The following PDZRN3 variants were observed in gnomAD, a reference collection of about 807,000 sequenced individuals.
PDZRN3 encodes the protein E3 ubiquitin-protein ligase PDZRN3.
PDZRN3 carries 38 observed loss-of-function variants against 85.7 expected under a neutral mutation model. The ratio of observed to expected loss-of-function variants is 0.44; its 90% CI spans 0.34 to 0.58. The LOEUF (loss-of-function observed/expected upper bound fraction) is 0.58. PDZRN3 is among the 20% of genes least tolerant of loss of function. The probability of loss-of-function intolerance (pLI) is 0.01; values close to 1 mark genes in which losing one functional copy is unlikely to be tolerated. For synonymous variants in PDZRN3, 759 were observed against 638.0 expected (o/e 1.19, Z -2.86); for missense variants, 1,629 against 1,506.4 (o/e 1.08, Z -1.35).
At chr3:73,498,804 C>T (rs1239696360) in intron 3 of PDZRN3, among the ~76,000 whole-genome samples, 2 of 152,094 alleles carry the variant, frequency 1.3e-5, no homozygotes, top group African/African-American at 2.4e-5. Context: ...GGCTGGTTCT[C>T]GAACTCCTGA....
chr3:73,552,918 A>G (rs1258788979), intron 3 of PDZRN3, among the ~76,000 whole-genome samples: 2 of 152,236 alleles, frequency 1.3e-5, no homozygotes, highest in East Asian at 3.8e-4. Context: ...CTTGAGACTC[A>G]CTAAGGATCA....
At chr3:73,593,709 TACACAC>T (rs57922621) in intron 3 of PDZRN3, among the ~76,000 whole-genome samples, 2,706 of 141,784 alleles carry the variant, frequency 0.019, 25 homozygotes, top group South Asian at 0.054. Flanking sequence ...GAAATAAATA[TACACAC>T]ACACACACAC....
intron 3 of PDZRN3, among the ~76,000 whole-genome samples, chr3:73,588,755 A>G (rs1702311964): frequency 6.6e-6 from 1 of 152,254 alleles, no homozygotes; most frequent in African/African-American, 2.4e-5. Context: ...TCTTTTTAAA[A>G]TAAAGTTAAA....
intron 3 of PDZRN3, among the ~76,000 whole-genome samples, chr3:73,461,545 A>G (rs534428094): frequency 7.2e-5 from 11 of 152,354 alleles, no homozygotes; most frequent in African/African-American, 2.6e-4. Context: ...TCATTCATCT[A>G]TTGAGAGACA....
chr3:73,605,188 C>G (rs1702579133), intron 2 of PDZRN3, among the ~76,000 whole-genome samples: 2 of 145,894 alleles, frequency 1.4e-5, no homozygotes, highest in Admixed American at 1.4e-4. Context: ...ACCTGGGTGA[C>G]AGAGTGAGAC....
At chr3:73,590,720 C>T (rs1457744758) in intron 3 of PDZRN3, among the ~76,000 whole-genome samples, 1 of 152,174 alleles carries the variant, frequency 6.6e-6, no homozygotes, top group Non-Finnish European at 1.5e-5. Context: ...ATTCCTGTAT[C>T]ACCAGCAATT....
chr3:73,461,723 A>G (rs1703107682), intron 3 of PDZRN3, among the ~76,000 whole-genome samples: 1 of 152,204 alleles, frequency 6.6e-6, no homozygotes, highest in African/African-American at 2.4e-5. Context: ...CATATCACAG[A>G]CATGTCATGT....
At chr3:73,478,057 T>C (rs1001547949) in intron 3 of PDZRN3, among the ~76,000 whole-genome samples, 1 of 152,064 alleles carries the variant, frequency 6.6e-6, no homozygotes, top group Non-Finnish European at 1.5e-5. Flanking sequence ...GAGATTTGGG[T>C]GGGGACACAG....
At chr3:73,566,949 T>C (rs9310273) in intron 3 of PDZRN3, among the ~76,000 whole-genome samples, 12,577 of 152,248 alleles carry the variant, frequency 0.083, 1,718 homozygotes, top group African/African-American at 0.29. Flanking sequence ...TCAGCTCCTC[T>C]ACTCACTAAC....
intron 3 of PDZRN3, among the ~76,000 whole-genome samples, chr3:73,599,367 T>C (rs1359880261): frequency 6.6e-6 from 1 of 152,190 alleles, no homozygotes; most frequent in East Asian, 1.9e-4. Context: ...ACTACATGAT[T>C]CCGTTTATAA....
At chr3:73,565,117 ATTTTTTTTTTTTTTTTT>A (rs202184460) in intron 3 of PDZRN3, among the ~76,000 whole-genome samples, 105,326 of 140,248 alleles carry the variant, frequency 0.75, 39,164 homozygotes, top group South Asian at 0.83. Context: ...ATATCCACCA[ATTTTTTTTTTTTTTTTT>A]TTTTTTTTTT....
At chr3:73,426,848 C>G (rs1702325842) in intron 3 of PDZRN3, among the ~76,000 whole-genome samples, 1 of 152,110 alleles carries the variant, frequency 6.6e-6, no homozygotes, top group African/African-American at 2.4e-5. Context: ...GTTGCTGGGC[C>G]AGGACCCTAC....
chr3:73,617,025 C>T (rs984801527), intron 1 of PDZRN3, among the ~76,000 whole-genome samples: 8 of 152,190 alleles, frequency 5.3e-5, no homozygotes, highest in African/African-American at 1.4e-4. Flanking sequence ...CCTTCACCCA[C>T]GATCTGATGG....
At chr3:73,624,075 G>C (rs1702917472) in intron 1 of PDZRN3, 28 bp downstream of exon 1, 1 of 1,415,548 alleles carries the variant, frequency 7.1e-7, no homozygotes, top group African/African-American at 1.5e-5. Flanking sequence ...ATCCTGGCTG[G>C]AGGTCGGGGC....
chr3:73,437,511 G>C (rs1470354143), intron 3 of PDZRN3, among the ~76,000 whole-genome samples: 1 of 152,188 alleles, frequency 6.6e-6, no homozygotes, highest in Non-Finnish European at 1.5e-5. Context: ...CTCACTTTGA[G>C]AACAGCTGCC....
intron 3 of PDZRN3, among the ~76,000 whole-genome samples, chr3:73,435,072 T>G (rs939856910): frequency 7.9e-5 from 12 of 152,218 alleles, no homozygotes; most frequent in Admixed American, 6.5e-4. Context: ...CGGGGAGGAC[T>G]CCCACGTCCC....
rs574865665 is a variant in PDZRN3, at chr3:73,429,873, T to C, written c.919-25478A>G. Among the ~76,000 whole-genome samples, 5 of 152,322 alleles carry C rather than the reference T, an allele frequency of 3.3e-5. No homozygotes were observed. The East Asian group carries it at 7.7e-4, about 24-fold the overall frequency. ...GCTCATTTTTCTCTGCACATCACCCTTTCCAGGTATGAAGGACCAGCAACC... is the reference window on the plus strand; with the variant it reads ...GCTCATTTTTCTCTGCACATCACCCCTTCCAGGTATGAAGGACCAGCAACC... On this transcript the variant is annotated intron_variant, in intron 3 of 9. Transcript: ENST00000263666.
At chr3:73,480,689 G>A (rs756109494) in intron 3 of PDZRN3, among the ~76,000 whole-genome samples, 9 of 152,152 alleles carry the variant, frequency 5.9e-5, no homozygotes, top group Non-Finnish European at 1.0e-4. Flanking sequence ...CATACTGTGT[G>A]TTCCTTAAAA....
chr3:73,578,469 C>T (rs555674122), intron 3 of PDZRN3, among the ~76,000 whole-genome samples: 9 of 152,228 alleles, frequency 5.9e-5, no homozygotes, highest in Non-Finnish European at 1.3e-4. Context: ...CGCGCCCAGC[C>T]GACCATTCTT....
Sources: allele counts gnomAD v4.1 joint callset (sites outside exome capture counted in the v4.1 genomes callset), GRCh38; gene constraint gnomAD v4.1.1; transcripts MANE v1.5; gene names NCBI Gene and HGNC (gene_info 2026-07-23, HGNC 2026-07-21).